Variants in TEKT5 observed in about 807,000 individuals in gnomAD.
TEKT5 encodes the protein tektin-5.
Under a neutral mutation model 48.7 loss-of-function variants are expected in TEKT5, and 52 were observed. The ratio of observed to expected loss-of-function variants is 1.07; its 90% CI spans 0.86 to 1.35. TEKT5 has a LOEUF of 1.35. TEKT5 is among the 40% of genes most tolerant of loss of function. The pLI, the probability that TEKT5 is intolerant of heterozygous loss-of-function variation, is 0.00. For missense variants in TEKT5, 831 were observed against 641.6 expected (o/e 1.30, Z -3.19); for synonymous variants, 318 against 267.6 (o/e 1.19, Z -1.84).
chr16:10,671,363 G>A (rs150250497), intron 5 of TEKT5, among the ~76,000 whole-genome samples: 2 of 152,234 alleles, frequency 1.3e-5, no homozygotes, highest in African/African-American at 4.8e-5. Context: ...AGATGCACAA[G>A]AGCCAAAAGA....
chr16:10,679,499 A>G (rs922917109), intron 4 of TEKT5, among the ~76,000 whole-genome samples: 2 of 151,708 alleles, frequency 1.3e-5, no homozygotes, highest in African/African-American at 4.8e-5. Flanking sequence ...CATTATCATC[A>G]TTGTTAATCC....
intron 5 of TEKT5, among the ~76,000 whole-genome samples, chr16:10,647,893 C>T (rs1898095718): frequency 6.6e-6 from 1 of 152,258 alleles, no homozygotes; most frequent in African/African-American, 2.4e-5. Flanking sequence ...CGAGTAACCA[C>T]AACAGCTGGA....
chr16:10,653,651 G>A (rs552772245), intron 5 of TEKT5, among the ~76,000 whole-genome samples: 38 of 152,302 alleles, frequency 2.5e-4, no homozygotes, highest in Non-Finnish European at 3.4e-4. Flanking sequence ...GGTGGCCTAC[G>A]CTTGTAATCC....
intron 5 of TEKT5, among the ~76,000 whole-genome samples, chr16:10,669,326 G>A (rs950078515): frequency 7.9e-5 from 12 of 152,088 alleles, no homozygotes; most frequent in Non-Finnish European, 1.6e-4. Flanking sequence ...GGGCAAGGTG[G>A]TGCATGCCTG....
intron 1 of TEKT5, chr16:10,690,651 T>C (rs1373699490): frequency 4.1e-6 from 4 of 985,402 alleles, no homozygotes; most frequent in Non-Finnish European, 3.6e-6. Context: ...AGGGACAGTT[T>C]GGGGAAGTGG....
intron 5 of TEKT5, among the ~76,000 whole-genome samples, chr16:10,659,052 T>C (rs1317414144): frequency 6.6e-6 from 1 of 152,192 alleles, no homozygotes; most frequent in East Asian, 1.9e-4. Context: ...GTATCTGTCC[T>C]GTGCATTGAA....
At chr16:10,664,292 G>A (rs1377604207) in intron 5 of TEKT5, among the ~76,000 whole-genome samples, 8 of 152,134 alleles carry the variant, frequency 5.3e-5, no homozygotes, top group Non-Finnish European at 1.2e-4. Context: ...GAGGGAGGGA[G>A]GGAACAACAG....
At chr16:10,636,236 G>A (rs771852767) in intron 5 of TEKT5, among the ~76,000 whole-genome samples, 137 of 152,262 alleles carry the variant, frequency 9.0e-4, no homozygotes, top group Non-Finnish European at 1.5e-3. Flanking sequence ...TTAGCCGGGC[G>A]TGGTGGCAGG....
At chr16:10,653,684 G>A (rs771667071) in intron 5 of TEKT5, among the ~76,000 whole-genome samples, 3 of 152,162 alleles carry the variant, frequency 2.0e-5, no homozygotes, top group Non-Finnish European at 2.9e-5. Flanking sequence ...AGGCCAAGGT[G>A]GGGAGATCAC....
At chr16:10,654,808 T>C (rs993297026) in intron 5 of TEKT5, among the ~76,000 whole-genome samples, 5 of 151,766 alleles carry the variant, frequency 3.3e-5, no homozygotes, top group Admixed American at 3.3e-4. Flanking sequence ...CTACAACAAA[T>C]CTCCTCTCAG....
chr16:10,646,245 A>G (rs923152683), intron 5 of TEKT5, among the ~76,000 whole-genome samples: 6 of 152,326 alleles, frequency 3.9e-5, no homozygotes, highest in African/African-American at 1.2e-4. Flanking sequence ...ATAAACATCA[A>G]TTGAATGAAT....
At chr16:10,647,709 C>T (rs893293996) in intron 5 of TEKT5, among the ~76,000 whole-genome samples, 6 of 152,216 alleles carry the variant, frequency 3.9e-5, no homozygotes, top group African/African-American at 2.4e-5. Flanking sequence ...GGACCTGAAA[C>T]TTTACAAAAG....
chr16:10,635,999 GC>G, intron 5 of TEKT5, 81 bp from the exon 6 acceptor site: 1 of 1,564,278 alleles, frequency 6.4e-7, no homozygotes, highest in Non-Finnish European at 8.6e-7. Flanking sequence ...GAGCAAGTCA[GC>G]TAGGTCAGCC....
rs1898851624 is a variant in TEKT5, at chr16:10,685,664, T to C, written c.720-3528A>G. ...CCTTTCTCTGTCTCTATCTCATCTCTTGCCAGATACTTCTGGCATATCTGA... is the reference window on the plus strand; with the variant it reads ...CCTTTCTCTGTCTCTATCTCATCTCCTGCCAGATACTTCTGGCATATCTGA... On this transcript the variant is annotated intron_variant, in intron 3 of 6. Coordinates refer to ENST00000283025, the MANE Select transcript of TEKT5 (RefSeq NM_144674.2). Among the ~76,000 whole-genome samples the C allele has an allele frequency of 3.9e-5, 6 of 152,206 alleles. No individual in the cohort carries two copies. The South Asian group carries it at 1.2e-3, about 32-fold the overall frequency.
At chr16:10,668,301 C>T (rs905480996) in intron 5 of TEKT5, among the ~76,000 whole-genome samples, 6 of 152,272 alleles carry the variant, frequency 3.9e-5, no homozygotes, top group Middle Eastern at 6.8e-3. Flanking sequence ...AAAGAGAGGT[C>T]GGCATCATGA....
Position 10,676,117 on chromosome 16 carries a change from G to C in TEKT5, c.928C>G (p.Arg310Gly), listed in dbSNP as rs150053960. ...NDNIKHSQNM[R>G]ANSIQLREEA... is the part of the protein sequence containing the mutation. ...TCCCGCAGCTGGATGGAGTTGGCCC[G>C]CATGTTCTGAGAGTGTTTGATGTTG... is the stretch of plus-strand genomic sequence containing the variant. Residue 310 changes from arginine (R) to glycine (G), a missense_variant, in exon 5 of 7, where the codon CGG becomes GGG. By Grantham distance (125) the Arg-to-Gly change is moderately radical. Transcript: ENST00000283025. 26 of 1,614,084 alleles carry C rather than the reference G, an allele frequency of 1.6e-5. No homozygotes were observed. The highest frequency in any genetic ancestry group is 2.1e-5 in the Non-Finnish European group (25 of 1,180,048).
At chr16:10,660,661 CTGTG>C (rs4028826) in intron 5 of TEKT5, among the ~76,000 whole-genome samples, 7,594 of 144,264 alleles carry the variant, frequency 0.053, 261 homozygotes, top group Middle Eastern at 0.1. Context: ...GAGTGCAAGG[CTGTG>C]TGTGTGTGTG....
At chr16:10,664,532 T>C (rs1466660580) in intron 5 of TEKT5, among the ~76,000 whole-genome samples, 1 of 152,322 alleles carries the variant, frequency 6.6e-6, no homozygotes, top group African/African-American at 2.4e-5. Flanking sequence ...GGGCTGTGCA[T>C]TAGAGTCACC....
At chr16:10,678,557 A>G (rs756646292) in intron 4 of TEKT5, among the ~76,000 whole-genome samples, 1 of 152,226 alleles carries the variant, frequency 6.6e-6, no homozygotes, top group Non-Finnish European at 1.5e-5. Flanking sequence ...GCACTAAGTC[A>G]GGTTCAGAGC....
Sources: gnomAD v4.1 joint callset for allele counts (sites outside exome capture counted in the v4.1 genomes callset) on GRCh38, gnomAD v4.1.1 for gene constraint, MANE v1.5 for transcripts, NCBI Gene and HGNC (gene_info 2026-07-23, HGNC 2026-07-21) for gene names.